The following DHX8 variants were observed in gnomAD, a reference collection of about 807,000 sequenced individuals.
The protein encoded by DHX8 is DEAH-box helicase 8.
In DHX8, 67 loss-of-function variants were observed where a neutral mutation model predicts 140.7. The ratio of observed to expected loss-of-function variants is 0.48; its 90% CI spans 0.39 to 0.58. The LOEUF is 0.58. DHX8 is among the 20% of genes least tolerant of loss of function. The pLI, the probability that DHX8 is intolerant of heterozygous loss-of-function variation, is 0.00. For missense variants in DHX8, 887 were observed against 1,550.7 expected (o/e 0.57, Z 7.19); for synonymous variants, 533 against 553.2 (o/e 0.96, Z 0.51).
At chr17:43,538,505 G>A (rs1283238019) in intron 3 of DHX8, among the ~76,000 whole-genome samples, 2 of 152,136 alleles carry the variant, frequency 1.3e-5, no homozygotes, top group African/African-American at 2.4e-5. Flanking sequence ...GGTGGAGCTG[G>A]GTTGGGGAAT....
chr17:43,530,166 G>A (rs374876992), downstream of DHX8: 1 of 1,557,112 alleles, frequency 6.4e-7, no homozygotes, highest in Admixed American at 2.0e-5. Context: ...GTACATTGAT[G>A]CGCACCCGGT....
Position 43,522,076 on chromosome 17 carries a change from A to C in DHX8, c.3293A>C (p.Lys1098Thr). Residue 1098 changes from lysine (K) to threonine (T), a missense_variant, in exon 22 of 23, where the codon AAG becomes ACG. Around this residue, in one of 9 missense-constraint regions of DHX8, gnomAD observed 101 missense variants for 168.2 expected, o/e 0.60. Coordinates refer to ENST00000262415, the MANE Select transcript of DHX8 (RefSeq NM_004941.3). ...AAGCTGGATGTTGTTTCCTGTGGCA[A>C]GTCCACAGTCCGAGTGCAGAAGGCC... is the stretch of plus-strand genomic sequence containing the variant. ...RHKLDVVSCG[K>T]STVRVQKAIC... 1 of 1,614,092 alleles carries C rather than the reference A, an allele frequency of 6.2e-7. No individual in the cohort carries two copies. Among genetic ancestry groups the C allele is most frequent in the Non-Finnish European group, 8.5e-7 (1 of 1,180,000 alleles).
chr17:43,511,747 C>T (rs945259132), intron 16 of DHX8, among the ~76,000 whole-genome samples: 3 of 150,764 alleles, frequency 2.0e-5, no homozygotes, highest in Non-Finnish European at 4.4e-5. Context: ...CATGAGCCAC[C>T]ACGCCTGGCA....
chr17:43,544,758 G>C, downstream of DHX8: 1 of 509,696 alleles, frequency 2.0e-6, no homozygotes. Context: ...AGTTACACAA[G>C]CCTGGCTCAG....
intron 20 of DHX8, 84 bp downstream of exon 20, chr17:43,520,963 ACT>A: frequency 1.5e-4 from 101 of 655,820 alleles, no homozygotes; most frequent in Non-Finnish European, 1.8e-4. Flanking sequence ...CTTGATGTGG[ACT>A]TTTTTTTTTT....
chr17:43,502,838 A>G (rs1969274121), intron 11 of DHX8, among the ~76,000 whole-genome samples: 1 of 152,230 alleles, frequency 6.6e-6, no homozygotes, highest in Non-Finnish European at 1.5e-5. Context: ...ATCATCTTCC[A>G]TTTCCTCAGA....
At chr17:43,495,013 C>T (rs919417034) in intron 8 of DHX8, among the ~76,000 whole-genome samples, 4 of 151,762 alleles carry the variant, frequency 2.6e-5, no homozygotes, top group African/African-American at 9.7e-5. Context: ...GGGGTTTCAC[C>T]ATGTTGGCCA....
chr17:43,504,681 T>C lies in DHX8; in HGVS notation c.1584T>C (p.Ile528=), dbSNP rs867681584. 1 of 1,613,968 alleles carries C rather than the reference T, an allele frequency of 6.2e-7. No individual in the cohort carries two copies. The highest frequency in any genetic ancestry group is 1.7e-4 in the Middle Eastern group (1 of 6,054). Residue 528 remains isoleucine, a synonymous_variant, in exon 12 of 23, where the codon ATT becomes ATC. Coordinates refer to ENST00000262415, the MANE Select transcript of DHX8 (RefSeq NM_004941.3). ...AGATTGCTGCCAACATGAGGGGTAT[T>C]GGGATGATGCCCAATGATATTCCTG... ...GRQIAANMRG[I]GMMPNDIPEW... is the part of the protein sequence containing the mutation.
At chr17:43,506,598 G>A (rs536711858) in intron 12 of DHX8, among the ~76,000 whole-genome samples, 4 of 148,446 alleles carry the variant, frequency 2.7e-5, no homozygotes, top group Non-Finnish European at 5.9e-5. Context: ...CAGCATGGGC[G>A]ACAGAGTGAG....
intron 5 of DHX8, 97 bp from the exon 6 acceptor site, chr17:43,492,584 T>C (rs926717210): frequency 2.8e-6 from 2 of 714,612 alleles, no homozygotes; most frequent in Non-Finnish European, 2.4e-6. Context: ...ACCTAGTGGG[T>C]ACCTACCATG....
rs747186511 is a variant in DHX8, at chr17:43,504,079, AAAAAT to A, written c.1547-550_1547-546del. On this transcript the variant is annotated intron_variant, in intron 11 of 22. Coordinates refer to ENST00000262415, the MANE Select transcript of DHX8 (RefSeq NM_004941.3). ...GAAACAGAGCAAGACCCTGTCTCAA[AAAAAT>A]AAAATAAAATAAAAAAAGTGTAACA... 1.4e-4 allele frequency among the ~76,000 whole-genome samples: 22 copies of A among 152,220 alleles called. No homozygotes were observed. In the South Asian group the frequency reaches 1.7e-3, roughly 11 times the overall value.
At chr17:43,507,287 T>A in intron 13 of DHX8, 90 bp downstream of exon 13, 1 of 1,399,000 alleles carries the variant, frequency 7.1e-7, no homozygotes, top group South Asian at 1.4e-5. Flanking sequence ...TAATACTGCC[T>A]TTTTTCAGGT....
chr17:43,524,269 CT>C lies in DHX8; in HGVS notation c.*423del, dbSNP rs150973438. On this transcript the variant is annotated 3_prime_UTR_variant, in exon 23 of 23. Coordinates refer to ENST00000262415, the MANE Select transcript of DHX8 (RefSeq NM_004941.3). ...CCACTTCCCACCCCGTCTCCAGCCCCTGTACTTTGGCTTGACCTCGTGGAAA... is the reference window on the plus strand; with the variant it reads ...CCACTTCCCACCCCGTCTCCAGCCCCGTACTTTGGCTTGACCTCGTGGAAA... 4.3e-5 allele frequency: 44 copies of C among 1,019,634 alleles called. No homozygotes were observed. In the East Asian group the frequency reaches 3.8e-3, roughly 89 times the overall value. The allele number at this position is 1,019,634 out of a possible 1,614,324, so 63.2% of individuals were successfully genotyped here. A position where few individuals can be genotyped will look rare whatever the true frequency, so the allele number is the denominator to read the frequency against.
rs1403180196 is a variant in DHX8, at chr17:43,524,981, A to G, written c.*1134A>G. 8.1e-6 allele frequency: 8 copies of G among 982,354 alleles called. No homozygotes were observed. Among genetic ancestry groups the G allele is most frequent in the Admixed American group, 6.3e-5 (1 of 15,948 alleles). The allele number at this position is 982,354 out of a possible 1,614,324, so 60.9% of individuals were successfully genotyped here. On this transcript the variant is annotated 3_prime_UTR_variant, in exon 23 of 23. Coordinates refer to ENST00000262415, the MANE Select transcript of DHX8 (RefSeq NM_004941.3). ...GTTTTTTTTTTTTCTTCCCATAGAG[A>G]TGGGTTCCCACTGTGCTGCCCAGGC...
chr17:43,490,328 T>C, intron 2 of DHX8, 63 bp from the exon 3 acceptor site: 2 of 1,302,824 alleles, frequency 1.5e-6, no homozygotes, highest in African/African-American at 1.5e-5. Flanking sequence ...TTCTTTGCCT[T>C]TTAAGTGTAT....
chr17:43,489,623 C>T (rs1357254094), intron 2 of DHX8, 89 bp downstream of exon 2: 15 of 997,350 alleles, frequency 1.5e-5, no homozygotes, highest in African/African-American at 1.2e-4. Flanking sequence ...CAGAGTTTTG[C>T]TCTGTCGCCT....
In DHX8 at chr17:43,511,455, C is replaced by CTTTTTTTTTTTTT. The variant is rs1279628229; in HGVS notation, c.2503-1907_2503-1906insTTTTTTTTTTTTT. The stretch of plus-strand genomic sequence containing the variant: ...CAGTGGCTTATGCCTGTGATCCCAG[C>CTTTTTTTTTTTTT]ATTTTTTTTTTTTTTTTTTTGAGAC... On this transcript the variant is annotated intron_variant, in intron 16 of 22. Coordinates refer to ENST00000262415, the MANE Select transcript of DHX8 (RefSeq NM_004941.3). Among the ~76,000 whole-genome samples the CTTTTTTTTTTTTT allele has an allele frequency of 2.9e-3, 19 of 6,594 alleles. 1 individual carries two copies. The highest frequency in any genetic ancestry group is 7.8e-3 in the African/African-American group (14 of 1,788). 4.3% of individuals were successfully genotyped at this position (6,594 alleles called of 152,430 possible). A position where few individuals can be genotyped will look rare whatever the true frequency, so the allele number is the denominator to read the frequency against.
intron 11 of DHX8, among the ~76,000 whole-genome samples, chr17:43,501,099 A>T (rs1969168434): frequency 6.6e-6 from 1 of 152,144 alleles, no homozygotes; most frequent in South Asian, 2.1e-4. Flanking sequence ...GCTACAACTT[A>T]GTCGGGGATA....
intron 16 of DHX8, 117 bp from the exon 17 acceptor site, chr17:43,513,245 C>T (rs1379218534): frequency 8.7e-7 from 1 of 1,155,812 alleles, no homozygotes; most frequent in South Asian, 1.8e-5. Context: ...TTTTAACCGT[C>T]TAGAGAGAGA....
Sources: gnomAD v4.1 joint callset for allele counts (sites outside exome capture counted in the v4.1 genomes callset) on GRCh38, gnomAD v4.1.1 for gene constraint, gnomAD v4.1.1 regional missense constraint, MANE v1.5 for transcripts, NCBI Gene and HGNC (gene_info 2026-07-23, HGNC 2026-07-21) for gene names.